CDYL2: variants seen among roughly 807,000 people sequenced by gnomAD.
CDYL2 encodes chromodomain Y like 2, also known as chromodomain Y-like protein 2.
CDYL2 carries 23 observed loss-of-function variants against 49.4 expected under a neutral mutation model. That is an observed-to-expected ratio of 0.47 (90% confidence interval 0.34 to 0.66). The LOEUF (loss-of-function observed/expected upper bound fraction) is 0.66. Among genes scored for constraint, CDYL2 ranks in the 30% least tolerant of loss-of-function variants. CDYL2 has a pLI of 0.01. For missense variants in CDYL2, 678 were observed against 656.4 expected (o/e 1.03, Z -0.36); for synonymous variants, 360 against 268.8 (o/e 1.34, Z -3.32).
At chr16:80,732,784 A>T (rs1345898265) in intron 1 of CDYL2, among the ~76,000 whole-genome samples, 1 of 152,212 alleles carries the variant, frequency 6.6e-6, no homozygotes, top group Non-Finnish European at 1.5e-5. Context: ...ATTTCCTTTT[A>T]TTCCAATTGT....
chr16:80,746,455 T>C (rs763733802), intron 1 of CDYL2, among the ~76,000 whole-genome samples: 2 of 152,192 alleles, frequency 1.3e-5, no homozygotes, highest in Non-Finnish European at 2.9e-5. Context: ...GCCAGATTTC[T>C]AAAGTGTGAA....
intron 1 of CDYL2, among the ~76,000 whole-genome samples, chr16:80,799,173 T>C (rs1400963944): frequency 1.3e-5 from 2 of 152,180 alleles, no homozygotes; most frequent in African/African-American, 2.4e-5. Flanking sequence ...AAAGCTAACA[T>C]TTTAATTAAT....
At chr16:80,618,231 C>G (rs748353816) in intron 4 of CDYL2, among the ~76,000 whole-genome samples, 1 of 152,238 alleles carries the variant, frequency 6.6e-6, no homozygotes, top group Non-Finnish European at 1.5e-5. Context: ...CATGTTTCCC[C>G]AGAACTACTC....
Position 80,612,023 on chromosome 16 carries a change from A to C in CDYL2, c.1218+603T>G, listed in dbSNP as rs1182344178. On this transcript the variant is annotated intron_variant, in intron 5 of 6. Coordinates refer to ENST00000570137, the MANE Select transcript of CDYL2 (RefSeq NM_152342.4). The surrounding 1 kb of genome is among the most constrained non-coding windows in gnomAD (Gnocchi z 5.0). ...GGTGGAGACTGCTTTGTGTCCACTG[A>C]ATCCTTTCCCTCTTCTTGCTGGACA... is the stretch of plus-strand genomic sequence containing the variant. Among the ~76,000 whole-genome samples the C allele has an allele frequency of 6.6e-6, 1 of 152,210 alleles. No homozygotes were observed. The highest frequency in any genetic ancestry group is 1.5e-5 in the Non-Finnish European group (1 of 68,030).
chr16:80,748,643 A>C (rs1002810743), intron 1 of CDYL2, among the ~76,000 whole-genome samples: 2 of 151,958 alleles, frequency 1.3e-5, no homozygotes, highest in African/African-American at 4.8e-5. Context: ...ATTCTTGTGA[A>C]GAATAAACAA....
chr16:80,721,232 A>G (rs924478016), intron 1 of CDYL2, among the ~76,000 whole-genome samples: 1 of 152,190 alleles, frequency 6.6e-6, no homozygotes, highest in African/African-American at 2.4e-5. Context: ...CACATGTTAG[A>G]TATTTTACTT....
At chr16:80,699,308 T>C (rs1219266467) in intron 1 of CDYL2, among the ~76,000 whole-genome samples, 4 of 152,202 alleles carry the variant, frequency 2.6e-5, no homozygotes, top group African/African-American at 7.2e-5. Context: ...TACATATTTA[T>C]ATACAATGCA....
intron 2 of CDYL2, among the ~76,000 whole-genome samples, chr16:80,635,422 AACAG>A (rs1456008568): frequency 6.6e-6 from 1 of 152,186 alleles, no homozygotes; most frequent in Non-Finnish European, 1.5e-5. Flanking sequence ...ACACAACAAT[AACAG>A]ACAGCCAGCC....
chr16:80,636,513 T>G (rs936445932), intron 2 of CDYL2, among the ~76,000 whole-genome samples: 1 of 152,186 alleles, frequency 6.6e-6, no homozygotes, highest in African/African-American at 2.4e-5. Flanking sequence ...AGATGCCATC[T>G]CACGCCAGTT....
At chr16:80,643,350 T>C (rs997726776) in intron 2 of CDYL2, among the ~76,000 whole-genome samples, 1 of 152,214 alleles carries the variant, frequency 6.6e-6, no homozygotes, top group Admixed American at 6.5e-5. Context: ...GCTGCTTTCA[T>C]GGGTTGGCAT....
At chr16:80,670,794 G>A (rs148994709) in intron 2 of CDYL2, 2 of 401,292 alleles carry the variant, frequency 5.0e-6, no homozygotes, top group South Asian at 3.4e-5. Context: ...TCGAGGCCTC[G>A]AGGCTGGCGC....
intron 3 of CDYL2, among the ~76,000 whole-genome samples, chr16:80,631,863 T>C (rs1907578349): frequency 6.6e-6 from 1 of 152,156 alleles, no homozygotes; most frequent in Admixed American, 6.5e-5. Flanking sequence ...GCACTAGTAT[T>C]GCTATAATAA....
intron 1 of CDYL2, among the ~76,000 whole-genome samples, chr16:80,753,140 A>G (rs1407571014): frequency 6.6e-6 from 1 of 152,198 alleles, no homozygotes; most frequent in Non-Finnish European, 1.5e-5. Context: ...ATTGTAATTT[A>G]CACTTTTCTT....
intron 1 of CDYL2, among the ~76,000 whole-genome samples, chr16:80,688,055 T>C (rs1910269186): frequency 6.6e-6 from 1 of 152,182 alleles, no homozygotes; most frequent in Non-Finnish European, 1.5e-5. Flanking sequence ...TTGGGCTACA[T>C]GAAAAGCTGA....
At chr16:80,641,560 A>C (rs56735556) in intron 2 of CDYL2, among the ~76,000 whole-genome samples, 1 of 152,000 alleles carries the variant, frequency 6.6e-6, no homozygotes, top group Non-Finnish European at 1.5e-5. Flanking sequence ...TGGAATACTA[A>C]GCAGCCATAA....
intron 3 of CDYL2, among the ~76,000 whole-genome samples, chr16:80,624,316 T>A (rs1907211603): frequency 1.3e-5 from 2 of 152,162 alleles, no homozygotes; most frequent in African/African-American, 4.8e-5. Context: ...AATAATTTAT[T>A]TTTGCTGTAG....
chr16:80,669,297 C>T (rs975514816), intron 2 of CDYL2, among the ~76,000 whole-genome samples: 4 of 152,000 alleles, frequency 2.6e-5, no homozygotes, highest in Admixed American at 1.3e-4. Context: ...GAAGCAGATA[C>T]GACGATATAT....
chr16:80,661,457 T>C (rs549244803), intron 2 of CDYL2, among the ~76,000 whole-genome samples: 3 of 152,190 alleles, frequency 2.0e-5, no homozygotes, highest in Non-Finnish European at 4.4e-5. Flanking sequence ...TCACACAGGT[T>C]GTCTCATTCC....
chr16:80,663,110 C>T (rs1286674490), intron 2 of CDYL2, among the ~76,000 whole-genome samples: 1 of 96,458 alleles, frequency 1.0e-5, no homozygotes, highest in Non-Finnish European at 3.0e-5. Flanking sequence ...TTGGGGGTCT[C>T]CTTCTAGCCC....
Sources: gnomAD v4.1 joint callset for allele counts (sites outside exome capture counted in the v4.1 genomes callset) on GRCh38, gnomAD v4.1.1 for gene constraint, Gnocchi (gnomAD v3.1) non-coding constraint, MANE v1.5 for transcripts, NCBI Gene and HGNC (gene_info 2026-07-23, HGNC 2026-07-21) for gene names.